The following NUMBL variants were observed in gnomAD, a reference collection of about 807,000 sequenced individuals.
NUMBL encodes the protein NUMB like endocytic adaptor protein.
Under a neutral mutation model 48.9 loss-of-function variants are expected in NUMBL, and 20 were observed. The ratio of observed to expected loss-of-function variants is 0.41; its 90% CI spans 0.29 to 0.59. The LOEUF is 0.59. Among genes scored for constraint, NUMBL ranks in the 20% least tolerant of loss-of-function variants. The pLI is 0.31. For missense variants in NUMBL, 660 were observed against 846.2 expected (o/e 0.78, Z 2.73); for synonymous variants, 340 against 348.7 (o/e 0.98, Z 0.28).
rs377255039 is a variant in NUMBL at position 40,676,600 on chromosome 19, C to G, written c.730+632G>C. Among the ~76,000 whole-genome samples, 62 of 147,030 alleles carry G rather than the reference C, an allele frequency of 4.2e-4. No homozygotes were observed. The South Asian group carries it at 9.9e-3, about 24-fold the overall frequency. On this transcript the variant is annotated intron_variant, in intron 7 of 9. Transcript: ENST00000252891. The stretch of plus-strand genomic sequence containing the variant: ...ATCCTAACTACTCGGGAGGCTGAGG[C>G]AGAATTGCTTGAACCCGGGAGGTGG...
At chr19:40,690,413 C>A in intron 1 of NUMBL, 47 bp downstream of exon 1, 1 of 1,137,696 alleles carries the variant, frequency 8.8e-7, no homozygotes, top group Non-Finnish European at 1.1e-6. Flanking sequence ...GCCACATCAG[C>A]AGCGGCGCCG....
At chr19:40,676,348 G>A (rs561316972) in intron 7 of NUMBL, among the ~76,000 whole-genome samples, 3 of 152,064 alleles carry the variant, frequency 2.0e-5, no homozygotes, top group South Asian at 2.1e-4. Context: ...AGCTGTGATC[G>A]CACCACTGCA....
rs1243593568 is a variant in NUMBL at position 40,669,883 on chromosome 19, A to G, written c.1159+15T>C. ...GACATGCAGGGTGTCTGCCCAGCAG[A>G]AAGCCTGGCTTTACCTGTTGTGGCA... On this transcript the variant is annotated intron_variant, in intron 9 of 9. Coordinates refer to ENST00000252891, the MANE Select transcript of NUMBL (RefSeq NM_004756.5). 22 of 1,611,810 alleles carry G rather than the reference A, an allele frequency of 1.4e-5. No homozygotes were observed. Among genetic ancestry groups the G allele is most frequent in the Non-Finnish European group, 1.6e-5 (19 of 1,178,848 alleles).
rs1304437856 is a variant in NUMBL at position 40,673,893 on chromosome 19, CCTTT to C, written c.731-248_731-245del. Among the ~76,000 whole-genome samples, 1 of 152,118 alleles carries C rather than the reference CCTTT, an allele frequency of 6.6e-6. No individual in the cohort carries two copies. Among genetic ancestry groups the C allele is most frequent in the East Asian group, 1.9e-4 (1 of 5,192 alleles). ...CTCTGTGTCTCTCCAGCTTCCTGCC[CCTTT>C]CTGTCTTGCCCTGCTGCTCTCACCA... is the stretch of plus-strand genomic sequence containing the variant. On this transcript the variant is annotated intron_variant, in intron 7 of 9. Transcript: ENST00000252891. The surrounding 1 kb of genome is among the most constrained non-coding windows in gnomAD (Gnocchi z 5.9).
chr19:40,684,723 G>A, intron 2 of NUMBL, 167 bp from the exon 3 acceptor site: 1 of 959,652 alleles, frequency 1.0e-6, no homozygotes, highest in Non-Finnish European at 1.5e-6. Context: ...CTCAAGTCAG[G>A]GGACAGTGAG....
chr19:40,667,054 T>G lies in NUMBL; in HGVS notation c.*414A>C. On this transcript the variant is annotated 3_prime_UTR_variant, in exon 10 of 10. Coordinates refer to ENST00000252891, the MANE Select transcript of NUMBL (RefSeq NM_004756.5). This position sits in a 1 kb window ranked among gnomAD's most constrained non-coding sequence, Gnocchi z 6.1. ...GGGGAGGAGACGACCAGATTTGGGG[T>G]GGGCACTGGTGTGGGGCCCAGGAGA... is the stretch of plus-strand genomic sequence containing the variant. 8.4e-6 allele frequency: 2 copies of G among 239,380 alleles called. No individual in the cohort carries two copies. Among genetic ancestry groups the G allele is most frequent in the Non-Finnish European group, 1.7e-5 (2 of 120,730 alleles). The allele number at this position is 239,380 out of a possible 1,614,324, so 14.8% of individuals were successfully genotyped here. A position where few individuals can be genotyped will look rare whatever the true frequency, so the allele number is the denominator to read the frequency against.
In NUMBL at chr19:40,682,748, C is replaced by T; in HGVS notation, c.379G>A (p.Val127Met). ...CCTACCTTGGTTTTGTCGTCCACCACTCGGAGCCCATCGGCTGACACCCAC... is the reference window on the plus strand; with the variant it reads ...CCTACCTTGGTTTTGTCGTCCACCATTCGGAGCCCATCGGCTGACACCCAC... ...VLWVSADGLR[V>M]VDDKTKDLLV... The change falls in exon 5 of 10, where the codon GTG becomes ATG. Residue 127 changes from valine to methionine, a missense_variant. Val to Met is a conservative substitution (Grantham distance 21). Around this residue, in one of 3 missense-constraint regions of NUMBL, gnomAD observed 278 missense variants for 420.6 expected, o/e 0.66. Transcript: ENST00000252891. This position sits in a 1 kb window ranked among gnomAD's most constrained non-coding sequence, Gnocchi z 4.0. 2 of 1,614,192 alleles carry T rather than the reference C, an allele frequency of 1.2e-6. No homozygotes were observed. The highest frequency in any genetic ancestry group is 1.7e-6 in the Non-Finnish European group (2 of 1,180,030).
chr19:40,677,229 C>A lies in NUMBL; in HGVS notation c.730+3G>T. 6.4e-7 allele frequency: 1 copy of A among 1,553,986 alleles called. No homozygotes were observed. On this transcript the variant is annotated splice_donor_region_variant and intron_variant, in intron 7 of 9. Coordinates refer to ENST00000252891, the MANE Select transcript of NUMBL (RefSeq NM_004756.5). The stretch of plus-strand genomic sequence containing the variant: ...CTCTGCTGGCGCTTGGGGCAACACC[C>A]ACCTTTCTTCTTGTCCGGGGCCTCT...
At chr19:40,683,399 T>G (rs1323728299) in intron 3 of NUMBL, among the ~76,000 whole-genome samples, 1 of 152,248 alleles carries the variant, frequency 6.6e-6, no homozygotes, top group East Asian at 1.9e-4. Flanking sequence ...GGATGACTGT[T>G]GCCTCGAGTT....
intron 6 of NUMBL, 27 bp from the exon 7 acceptor site, chr19:40,677,448 T>A: frequency 1.3e-6 from 2 of 1,595,078 alleles, no homozygotes; most frequent in Non-Finnish European, 8.5e-7. Flanking sequence ...GGCGGGGGGG[T>A]TAGAGGCGCT....
In NUMBL at chr19:40,684,407, G is replaced by A. The variant is rs746496500; in HGVS notation, c.249+10C>T. ...CCCTCGCCCCGCCGCACCCTGCCGC[G>A]CCCACTCACCCTGACCGGGAAGCTG... On this transcript the variant is annotated intron_variant, in intron 3 of 9. Transcript: ENST00000252891. The A allele has an allele frequency of 5.1e-6, 8 of 1,554,540 alleles. No individual in the cohort carries two copies. The highest frequency in any genetic ancestry group is 2.2e-4 in the Middle Eastern group (1 of 4,560).
chr19:40,680,819 G>A, intron 6 of NUMBL, 98 bp downstream of exon 6: 1 of 1,310,360 alleles, frequency 7.6e-7, no homozygotes, highest in Non-Finnish European at 1.1e-6. Context: ...TGGGCACACA[G>A]AGGTTAGTGA....
Position 40,687,606 on chromosome 19 carries a change from G to A in NUMBL, c.25-611C>T, listed in dbSNP as rs150130691. ...ACATTCTCAGCCACATACAAAGAAC[G>A]GGGCCCAGACAACCCACTAGAGCCG... On this transcript the variant is annotated intron_variant, in intron 1 of 9. Transcript: ENST00000252891. This position sits in a 1 kb window ranked among gnomAD's most constrained non-coding sequence, Gnocchi z 4.6. 6.6e-6 allele frequency among the ~76,000 whole-genome samples: 1 copy of A among 152,050 alleles called. No individual in the cohort carries two copies. Among genetic ancestry groups the A allele is most frequent in the African/African-American group, 2.4e-5 (1 of 41,458 alleles).
rs773907359 is a variant in NUMBL at position 40,682,852 on chromosome 19, G to C, written c.324+42C>G. ...GAGCCGGGTCAGGGTGCCTCTCCCT[G>C]TCTGACCTTGCCCCCTCCCTCATGG... On this transcript the variant is annotated intron_variant, in intron 4 of 9. Coordinates refer to ENST00000252891, the MANE Select transcript of NUMBL (RefSeq NM_004756.5). The surrounding 1 kb of genome is among the most constrained non-coding windows in gnomAD (Gnocchi z 4.0). 3 of 1,613,966 alleles carry C rather than the reference G, an allele frequency of 1.9e-6. No homozygotes were observed. The highest frequency in any genetic ancestry group is 2.2e-5 in the South Asian group (2 of 91,076).
rs924167814 is a variant in NUMBL, at chr19:40,681,644, T to C, written c.400-587A>G. Among the ~76,000 whole-genome samples the C allele has an allele frequency of 7.9e-5, 12 of 152,220 alleles. No homozygotes were observed. In the South Asian group the frequency reaches 1.2e-3, roughly 16 times the overall value. ...GGCTAACATTCATTGATCTGAGCAG[T>C]TACGATGTACTAGACCCCATTTAAA... On this transcript the variant is annotated intron_variant, in intron 5 of 9. Coordinates refer to ENST00000252891, the MANE Select transcript of NUMBL (RefSeq NM_004756.5).
chr19:40,678,850 G>A (rs1464449896), intron 6 of NUMBL, among the ~76,000 whole-genome samples: 2 of 152,180 alleles, frequency 1.3e-5, no homozygotes, highest in Admixed American at 1.3e-4. Flanking sequence ...TGTAATCCCA[G>A]GAGGCCGAGG....
At chr19:40,686,849 G>T in intron 2 of NUMBL, 62 bp downstream of exon 2, 1 of 1,015,018 alleles carries the variant, frequency 9.9e-7, no homozygotes, top group South Asian at 1.4e-5. Flanking sequence ...CAGCTCCTCT[G>T]GTCGTGTTAG....
At position 40,682,795 on chromosome 19, in the gene NUMBL, C is replaced by T. The variant is rs1024177382; in HGVS notation, c.332G>A (p.Arg111Gln). Residue 111 changes from arginine to glutamine, a missense_variant, in exon 5 of 10, where the codon CGA becomes CAA. Physicochemically the swap from Arg to Gln is conservative, Grantham distance 43. This residue lies in a region of NUMBL where 278 missense variants were observed against 420.6 expected (regional missense o/e 0.66). Coordinates refer to ENST00000252891, the MANE Select transcript of NUMBL (RefSeq NM_004756.5). This position sits in a 1 kb window ranked among gnomAD's most constrained non-coding sequence, Gnocchi z 4.0. ...CCACAGGACAGACTTCACGGACTTT[C>T]GGCCCATCTGGAGGGAGGCAAGGGG... ...DAVKKLKAMG[R>Q]KSVKSVLWVS... 10 of 1,614,176 alleles carry T rather than the reference C, an allele frequency of 6.2e-6. No individual in the cohort carries two copies. The highest frequency in any genetic ancestry group is 1.1e-5 in the South Asian group (1 of 91,088).
chr19:40,671,730 T>C (rs1216788532), intron 8 of NUMBL, among the ~76,000 whole-genome samples: 6 of 152,326 alleles, frequency 3.9e-5, no homozygotes, highest in Non-Finnish European at 7.4e-5. Context: ...GGGTAGGCGA[T>C]GCAGATTTGG....
Sources: allele counts gnomAD v4.1 joint callset (sites outside exome capture counted in the v4.1 genomes callset), GRCh38; gene constraint gnomAD v4.1.1; regional missense constraint gnomAD v4.1.1; non-coding constraint Gnocchi (gnomAD v3.1); transcripts MANE v1.5; gene names NCBI Gene and HGNC (gene_info 2026-07-23, HGNC 2026-07-21).